CNTN3: variants seen among roughly 807,000 people sequenced by gnomAD.
CNTN3 encodes the protein contactin-3.
Under a neutral mutation model 119.1 loss-of-function variants are expected in CNTN3, and 60 were observed. The observed-to-expected ratio is 0.50, with a 90% CI of 0.41 to 0.62. CNTN3 has a LOEUF of 0.62. Among genes scored for constraint, CNTN3 ranks in the 20% least tolerant of loss-of-function variants. The pLI is 0.00. For missense variants in CNTN3, 1,101 were observed against 1,242.4 expected (o/e 0.89, Z 1.71); for synonymous variants, 450 against 438.7 (o/e 1.03, Z -0.32).
intron 4 of CNTN3, among the ~76,000 whole-genome samples, chr3:74,444,500 T>A (rs547298708): frequency 2.1e-4 from 32 of 152,278 alleles, no homozygotes; most frequent in Non-Finnish European, 3.4e-4. Context: ...CCAGAACTTT[T>A]CATCTACCTG....
intron 1 of CNTN3, among the ~76,000 whole-genome samples, chr3:74,550,243 C>T (rs115217054): frequency 0.02 from 2,981 of 152,208 alleles, 117 homozygotes; most frequent in African/African-American, 0.069. Context: ...GCAGGGCATC[C>T]GTTTTCTGTT....
intron 2 of CNTN3, among the ~76,000 whole-genome samples, chr3:74,513,923 T>C (rs1483212189): frequency 6.6e-6 from 1 of 151,818 alleles, no homozygotes; most frequent in South Asian, 2.1e-4. Flanking sequence ...TGGAAACACA[T>C]TGGGAAGTCT....
At chr3:74,437,967 T>C in intron 4 of CNTN3, among the ~76,000 whole-genome samples, 2 of 152,330 alleles carry the variant, frequency 1.3e-5, no homozygotes, top group Non-Finnish European at 2.9e-5. Context: ...TATTACACAA[T>C]ATCATATTTA....
chr3:74,470,939 T>G (rs540508985), intron 4 of CNTN3, among the ~76,000 whole-genome samples: 2 of 151,522 alleles, frequency 1.3e-5, no homozygotes, highest in African/African-American at 4.9e-5. Context: ...TGCAGTGGTG[T>G]GATCTCGGCT....
intron 1 of CNTN3, among the ~76,000 whole-genome samples, chr3:74,558,307 A>G (rs1704100826): frequency 6.6e-6 from 1 of 152,146 alleles, no homozygotes; most frequent in Non-Finnish European, 1.5e-5. Flanking sequence ...GATCCTGAGG[A>G]CACTCTCAAA....
At chr3:74,456,177 CTT>C (rs1487546560) in intron 4 of CNTN3, among the ~76,000 whole-genome samples, 1 of 151,694 alleles carries the variant, frequency 6.6e-6, no homozygotes, top group Admixed American at 6.6e-5. Context: ...AAGACATCCT[CTT>C]TATTGTATAA....
At chr3:74,545,367 G>A (rs1378517915) in intron 1 of CNTN3, among the ~76,000 whole-genome samples, 3 of 151,994 alleles carry the variant, frequency 2.0e-5, no homozygotes, top group African/African-American at 4.8e-5. Context: ...CTCCTCAATC[G>A]TTAAGACTCT....
intron 1 of CNTN3, among the ~76,000 whole-genome samples, chr3:74,553,997 C>T (rs569408499): frequency 6.6e-6 from 1 of 152,282 alleles, no homozygotes; most frequent in East Asian, 1.9e-4. Context: ...TTGCCCATGC[C>T]TATGTCCTGA....
intron 4 of CNTN3, among the ~76,000 whole-genome samples, chr3:74,432,063 T>C (rs199790522): frequency 3.3e-5 from 5 of 152,008 alleles, no homozygotes; most frequent in African/African-American, 1.2e-4. Context: ...TAAACGTCTT[T>C]AATGTTTAAT....
chr3:74,469,720 A>T (rs1001268631), intron 4 of CNTN3, among the ~76,000 whole-genome samples: 1 of 152,198 alleles, frequency 6.6e-6, no homozygotes. Context: ...TAGAATGTGG[A>T]GGAGATGGAA....
At chr3:74,315,824 A>G (rs1702819066) in intron 13 of CNTN3, among the ~76,000 whole-genome samples, 1 of 152,250 alleles carries the variant, frequency 6.6e-6, no homozygotes, top group South Asian at 2.1e-4. Flanking sequence ...GACGGATTAA[A>G]GACTTAAATG....
At chr3:74,451,858 T>C (rs1373942854) in intron 4 of CNTN3, among the ~76,000 whole-genome samples, 3 of 146,506 alleles carry the variant, frequency 2.0e-5, no homozygotes, top group Non-Finnish European at 4.5e-5. Flanking sequence ...GGCTCTGTTC[T>C]GTTCCATTGA....
chr3:74,560,863 T>C (rs928872721), intron 1 of CNTN3, among the ~76,000 whole-genome samples: 32 of 152,026 alleles, frequency 2.1e-4, no homozygotes, highest in Admixed American at 1.7e-3. Flanking sequence ...GATGAGTTCA[T>C]GTCCTTTGTA....
intron 1 of CNTN3, among the ~76,000 whole-genome samples, chr3:74,582,145 GC>G (rs747194494): frequency 6.6e-6 from 1 of 152,086 alleles, no homozygotes; most frequent in Non-Finnish European, 1.5e-5. Context: ...GGTGGCTCAC[GC>G]CTGTAATCCC....
intron 2 of CNTN3, among the ~76,000 whole-genome samples, chr3:74,505,972 G>C (rs942657692): frequency 1.3e-5 from 2 of 152,086 alleles, no homozygotes; most frequent in Non-Finnish European, 2.9e-5. Flanking sequence ...TTGGAACTGA[G>C]AGGGACTGGT....
intron 3 of CNTN3, among the ~76,000 whole-genome samples, chr3:74,499,231 T>C (rs1703118796): frequency 6.6e-6 from 1 of 151,912 alleles, no homozygotes; most frequent in Non-Finnish European, 1.5e-5. Flanking sequence ...ATACATTTTA[T>C]TCTTCCTTAC....
intron 13 of CNTN3, among the ~76,000 whole-genome samples, chr3:74,318,829 C>A (rs546207218): frequency 2.0e-5 from 3 of 152,282 alleles, no homozygotes; most frequent in East Asian, 3.9e-4. Flanking sequence ...AGGCAATCTG[C>A]CCGTTCTCAG....
chr3:74,306,336 T>C (rs1275113202), intron 13 of CNTN3, among the ~76,000 whole-genome samples: 1 of 151,674 alleles, frequency 6.6e-6, no homozygotes, highest in Non-Finnish European at 1.5e-5. Flanking sequence ...ATAAGAAACA[T>C]ATTTGCCATT....
At chr3:74,291,841 G>T (rs1477490726) in intron 19 of CNTN3, among the ~76,000 whole-genome samples, 1 of 152,142 alleles carries the variant, frequency 6.6e-6, no homozygotes, top group East Asian at 1.9e-4. Flanking sequence ...TCTAGCAGCT[G>T]GGGGCCATGT....
Sources: allele counts gnomAD v4.1 joint callset (sites outside exome capture counted in the v4.1 genomes callset), GRCh38; gene constraint gnomAD v4.1.1; transcripts MANE v1.5; gene names NCBI Gene and HGNC (gene_info 2026-07-23, HGNC 2026-07-21).